The following TMCC3 variants were observed in gnomAD, a reference collection of about 807,000 sequenced individuals.
TMCC3 encodes transmembrane and coiled-coil domain protein 3.
Under a neutral mutation model 40.2 loss-of-function variants are expected in TMCC3, and 28 were observed. The ratio of observed to expected loss-of-function variants is 0.70; its 90% CI spans 0.52 to 0.95. The LOEUF is 0.95. TMCC3 is among the 40% of genes least tolerant of loss of function. The probability of loss-of-function intolerance (pLI) is 0.00; values close to 1 mark genes in which losing one functional copy is unlikely to be tolerated. For synonymous variants in TMCC3, 255 were observed against 248.5 expected, an observed-to-expected ratio of 1.03 and a Z score of -0.25; for missense variants, 554 against 615.2, an observed-to-expected ratio of 0.90 and a Z score of 1.05.
intron 1 of TMCC3, among the ~76,000 whole-genome samples, chr12:94,621,403 T>C (rs887580070): frequency 2.0e-4 from 30 of 152,232 alleles, no homozygotes; most frequent in African/African-American, 7.0e-4. Context: ...GAACCTGGAC[T>C]GTGCATCTGA....
intron 1 of TMCC3, among the ~76,000 whole-genome samples, chr12:94,606,712 C>G (rs115963572): frequency 6.6e-6 from 1 of 152,020 alleles, no homozygotes; most frequent in African/African-American, 2.4e-5. Flanking sequence ...GTGATGACCC[C>G]GAGCTGCAAA....
chr12:94,625,086 G>A (rs1438592822), intron 1 of TMCC3, among the ~76,000 whole-genome samples: 1 of 148,852 alleles, frequency 6.7e-6, no homozygotes, highest in Non-Finnish European at 1.5e-5. Flanking sequence ...AGGTTGCAGT[G>A]AGCCGAGATT....
At position 94,601,808 on chromosome 12, in the gene TMCC3, C is replaced by CAAAAAA. The variant is rs61372290; in HGVS notation, c.79-19276_79-19271dup. On this transcript the variant is annotated intron_variant, in intron 1 of 3. Coordinates refer to ENST00000261226, the MANE Select transcript of TMCC3 (RefSeq NM_020698.4). ...TGGGTGACAGAGTGAGACCTGGTCT[C>CAAAAAA]AAAAAAAAAAAAAAAAAAAAAAAAA... Among the ~76,000 whole-genome samples, 35 of 76,690 alleles carry CAAAAAA rather than the reference C, an allele frequency of 4.6e-4. 1 individual carries two copies. Among genetic ancestry groups the CAAAAAA allele is most frequent in the South Asian group, 1.0e-3 (2 of 1,986 alleles). 50.3% of individuals were successfully genotyped at this position (76,690 alleles called of 152,430 possible). A position where few individuals can be genotyped will look rare whatever the true frequency, so the allele number is the denominator to read the frequency against.
At position 94,571,243 on chromosome 12, in the gene TMCC3, G is replaced by A. The variant is rs1184660459; in HGVS notation, c.*192C>T. On this transcript the variant is annotated 3_prime_UTR_variant, in exon 4 of 4. Coordinates refer to ENST00000261226, the MANE Select transcript of TMCC3 (RefSeq NM_020698.4). The stretch of plus-strand genomic sequence containing the variant: ...GGTAGGAGAGCTCTGAAACAGATTC[G>A]TGTTAACGAAGTACAAGGACTGAGT... The A allele has an allele frequency of 7.9e-6, 5 of 629,334 alleles. No homozygotes were observed. The highest frequency in any genetic ancestry group is 2.0e-5 in the South Asian group (1 of 49,552). The allele number at this position is 629,334 out of a possible 1,614,324, so 39.0% of individuals were successfully genotyped here. A position where few individuals can be genotyped will look rare whatever the true frequency, so the allele number is the denominator to read the frequency against.
intron 2 of TMCC3, among the ~76,000 whole-genome samples, chr12:94,579,016 T>C (rs944711275): frequency 2.6e-5 from 4 of 152,196 alleles, no homozygotes; most frequent in African/African-American, 9.6e-5. Context: ...TCAACTCTAC[T>C]ATTTCCCAGC....
At chr12:94,637,897 A>G (rs548874603) in intron 1 of TMCC3, among the ~76,000 whole-genome samples, 46 of 152,214 alleles carry the variant, frequency 3.0e-4, no homozygotes, top group Non-Finnish European at 4.0e-4. Flanking sequence ...TTCAGTCAAT[A>G]TTTACAAAGC....
Position 94,569,890 on chromosome 12 carries a change from G to A in TMCC3, c.*1545C>T, listed in dbSNP as rs2068516555. 6.6e-6 allele frequency: 1 copy of A among 152,232 alleles called. No homozygotes were observed. The highest frequency in any genetic ancestry group is 1.5e-5 in the Non-Finnish European group (1 of 68,044). The allele number at this position is 152,232 out of a possible 1,614,324, so 9.4% of individuals were successfully genotyped here. On this transcript the variant is annotated 3_prime_UTR_variant, in exon 4 of 4. Transcript: ENST00000261226. ...CCTGCCTGCAGCAGATGGCGGGAGT[G>A]GTGGGACAAGGGGCTCAACAGCAGT...
At chr12:94,647,836 T>C (rs1260810352) in intron 1 of TMCC3, among the ~76,000 whole-genome samples, 1 of 152,222 alleles carries the variant, frequency 6.6e-6, no homozygotes, top group Non-Finnish European at 1.5e-5. Flanking sequence ...AACAGACTTA[T>C]TGTAGCCTCA....
chr12:94,569,766 G>A lies in TMCC3; in HGVS notation c.*1669C>T, dbSNP rs2068515920. On this transcript the variant is annotated 3_prime_UTR_variant, in exon 4 of 4. Coordinates refer to ENST00000261226, the MANE Select transcript of TMCC3 (RefSeq NM_020698.4). ...ATTCTGTCACATTTTTTTCCTTCAG[G>A]AGATTTCCCTAAGAAGAGCTGTTTG... The A allele has an allele frequency of 6.6e-6, 1 of 152,094 alleles. No homozygotes were observed. Among genetic ancestry groups the A allele is most frequent in the Non-Finnish European group, 1.5e-5 (1 of 68,016 alleles). 9.4% of individuals were successfully genotyped at this position (152,094 alleles called of 1,614,324 possible). A position where few individuals can be genotyped will look rare whatever the true frequency, so the allele number is the denominator to read the frequency against.
At chr12:94,614,195 C>T (rs1319813092) in intron 1 of TMCC3, among the ~76,000 whole-genome samples, 3 of 151,736 alleles carry the variant, frequency 2.0e-5, no homozygotes, top group Non-Finnish European at 4.4e-5. Context: ...TTCTGTCAAT[C>T]CTATTGCTTT....
Position 94,634,100 on chromosome 12 carries a change from T to C in TMCC3, c.78+16253A>G, listed in dbSNP as rs1214532266. 2.0e-5 allele frequency among the ~76,000 whole-genome samples: 3 copies of C among 151,956 alleles called. No individual in the cohort carries two copies. The East Asian group carries it at 5.8e-4, about 29-fold the overall frequency. On this transcript the variant is annotated intron_variant, in intron 1 of 3. Coordinates refer to ENST00000261226, the MANE Select transcript of TMCC3 (RefSeq NM_020698.4). ...TAGCTGAGATTACAGGTGCCCGCCA[T>C]CACCAGCTAATGTTTTGTATTTTTA...
At chr12:94,613,071 GAT>G (rs146454912) in intron 1 of TMCC3, among the ~76,000 whole-genome samples, 10 of 149,616 alleles carry the variant, frequency 6.7e-5, no homozygotes, top group South Asian at 6.4e-4. Context: ...GCACATTGGA[GAT>G]ATATATATAT....
chr12:94,601,550 C>G (rs1413126974), intron 1 of TMCC3, among the ~76,000 whole-genome samples: 2 of 150,798 alleles, frequency 1.3e-5, no homozygotes, highest in Admixed American at 6.6e-5. Flanking sequence ...GAAGGCTGGG[C>G]GCAGTGACTC....
chr12:94,583,281 G>T (rs1256612368), intron 1 of TMCC3, among the ~76,000 whole-genome samples: 1 of 151,720 alleles, frequency 6.6e-6, no homozygotes, highest in African/African-American at 2.4e-5. Context: ...CAGGCAGGTG[G>T]ATCACCTGAA....
At chr12:94,597,444 T>C (rs2068725424) in intron 1 of TMCC3, among the ~76,000 whole-genome samples, 1 of 152,154 alleles carries the variant, frequency 6.6e-6, no homozygotes, top group African/African-American at 2.4e-5. Flanking sequence ...AGGTGCCTCC[T>C]CCTTTGGACA....
At chr12:94,594,645 C>G (rs946571347) in intron 1 of TMCC3, among the ~76,000 whole-genome samples, 5 of 152,144 alleles carry the variant, frequency 3.3e-5, no homozygotes, top group Non-Finnish European at 5.9e-5. Context: ...CGAGTTTACT[C>G]TGGGAGAACC....
intron 1 of TMCC3, among the ~76,000 whole-genome samples, chr12:94,626,447 A>G (rs1285385624): frequency 6.6e-6 from 1 of 152,232 alleles, no homozygotes; most frequent in Non-Finnish European, 1.5e-5. Flanking sequence ...ACTTATTTAA[A>G]TTAATGTAGC....
intron 1 of TMCC3, among the ~76,000 whole-genome samples, chr12:94,648,458 C>A (rs945457187): frequency 1.3e-5 from 2 of 152,120 alleles, no homozygotes; most frequent in Non-Finnish European, 2.9e-5. Context: ...AACTCCTGAC[C>A]TGGTGATCCA....
intron 3 of TMCC3, among the ~76,000 whole-genome samples, chr12:94,574,319 C>T (rs1320353845): frequency 6.6e-6 from 1 of 150,786 alleles, no homozygotes; most frequent in Admixed American, 6.6e-5. Context: ...ACCCAGGAGG[C>T]GGAGGTTGCA....
Sources: gnomAD v4.1 joint callset for allele counts (sites outside exome capture counted in the v4.1 genomes callset) on GRCh38, gnomAD v4.1.1 for gene constraint, MANE v1.5 for transcripts, NCBI Gene and HGNC (gene_info 2026-07-23, HGNC 2026-07-21) for gene names.